The following NCAN variants were observed in gnomAD, a reference collection of about 807,000 sequenced individuals.
NCAN encodes the protein neurocan core protein.
In NCAN, 47 loss-of-function variants were observed where a neutral mutation model predicts 121.8. The observed-to-expected ratio is 0.39, with a 90% CI of 0.31 to 0.49. The LOEUF (loss-of-function observed/expected upper bound fraction) is 0.49, where lower values mean the gene tolerates loss of function less well. Among genes scored for constraint, NCAN ranks in the 20% least tolerant of loss-of-function variants. The pLI, the probability that NCAN is intolerant of heterozygous loss-of-function variation, is 0.92. For missense variants in NCAN, 1,517 were observed against 1,773.4 expected (o/e 0.86, Z 2.60); for synonymous variants, 633 against 702.0 (o/e 0.90, Z 1.55).
chr19:19,213,137 G>A (rs984505963), intron 1 of NCAN, among the ~76,000 whole-genome samples: 1 of 152,176 alleles, frequency 6.6e-6, no homozygotes, highest in Non-Finnish European at 1.5e-5. Flanking sequence ...GGACGTGGGG[G>A]CAGGGCAGGC....
At position 19,230,730 on chromosome 19, in the gene NCAN, C is replaced by T. The variant is rs117174350; in HGVS notation, c.3019+2091C>T. 3.0e-3 allele frequency among the ~76,000 whole-genome samples: 296 copies of T among 99,922 alleles called. 2 individuals are homozygous for T. Among genetic ancestry groups the T allele is most frequent in the African/African-American group, 6.3e-3 (176 of 27,776 alleles). 65.6% of individuals were successfully genotyped at this position (99,922 alleles called of 152,430 possible). On this transcript the variant is annotated intron_variant, in intron 8 of 14. Coordinates refer to ENST00000252575, the MANE Select transcript of NCAN (RefSeq NM_004386.3). ...GGGGTGGGATCTTTTTTTTTTTTTT[C>T]CTTTTTTTTTTTTTTCCAGACAGGG...
At chr19:19,245,902 G>A (rs934107861) in intron 13 of NCAN, among the ~76,000 whole-genome samples, 1 of 152,134 alleles carries the variant, frequency 6.6e-6, no homozygotes, top group Non-Finnish European at 1.5e-5. Context: ...AATGGGTATA[G>A]AATTTTGGTG....
At chr19:19,215,521 C>G (rs368059310) in intron 1 of NCAN, among the ~76,000 whole-genome samples, 14 of 152,224 alleles carry the variant, frequency 9.2e-5, no homozygotes, top group African/African-American at 3.4e-4. Flanking sequence ...GGTCCTAGCC[C>G]CTATAGGGAA....
intron 3 of NCAN, among the ~76,000 whole-genome samples, chr19:19,223,631 C>T (rs938516297): frequency 6.6e-6 from 1 of 151,994 alleles, no homozygotes; most frequent in Non-Finnish European, 1.5e-5. Context: ...TGCCACCATG[C>T]CCAGCTATTT....
At position 19,228,456 on chromosome 19, in the gene NCAN, T is replaced by A; in HGVS notation, c.2836T>A (p.Ser946Thr). Residue 946 changes from serine to threonine, a missense_variant, in exon 8 of 15, where the codon TCA becomes ACA. Ser to Thr is a moderately conservative substitution (Grantham distance 58). Transcript: ENST00000252575. The part of the protein sequence containing the change: ...ASVGESASVS[S>T]GEPTVPWDPS... ...TGTGGGCGAGTCTGCCTCAGTTTCC[T>A]CAGGGGAGCCTACGGTACCGTGGGA... 6.2e-7 allele frequency: 1 copy of A among 1,613,608 alleles called. No homozygotes were observed. Among genetic ancestry groups the A allele is most frequent in the East Asian group, 2.2e-5 (1 of 44,886 alleles).
At chr19:19,247,789 G>A (rs2060930104) in intron 13 of NCAN, among the ~76,000 whole-genome samples, 1 of 152,152 alleles carries the variant, frequency 6.6e-6, no homozygotes, top group Non-Finnish European at 1.5e-5. Context: ...TGTCCGGGAG[G>A]TTGCTGTCCC....
intron 13 of NCAN, among the ~76,000 whole-genome samples, chr19:19,247,732 A>T (rs1808595160): frequency 6.6e-6 from 1 of 152,126 alleles, no homozygotes; most frequent in Admixed American, 6.6e-5. Flanking sequence ...TGTCTCCTTC[A>T]TTCCCATTGT....
rs755198576 is a variant in NCAN at position 19,219,014 on chromosome 19, C to G, written c.173C>G (p.Pro58Arg). Residue 58 changes from proline (P) to arginine (R), a missense_variant, in exon 3 of 15, where the codon CCC becomes CGC. By Grantham distance (103) the Pro-to-Arg change is moderately radical (BLOSUM62 -2). Transcript: ENST00000252575. ...GCGCTGGCGGAGCTGGTGGCCCTGC[C>G]CTGTCTCTTTACCCTGCAGCCACGG... ...QAALAELVAL[P>R]CLFTLQPRPS... The G allele has an allele frequency of 6.2e-7, 1 of 1,608,690 alleles. No individual in the cohort carries two copies. Among genetic ancestry groups the G allele is most frequent in the Non-Finnish European group, 8.5e-7 (1 of 1,176,728 alleles).
intron 14 of NCAN, among the ~76,000 whole-genome samples, chr19:19,249,174 G>A (rs550784376): frequency 2.6e-5 from 4 of 151,396 alleles, no homozygotes; most frequent in East Asian, 2.0e-4. Context: ...GGGTTCAAGC[G>A]ATCCTTGTGT....
In NCAN at chr19:19,228,521, G is replaced by T. The variant is rs139628713; in HGVS notation, c.2901G>T (p.Glu967Asp). The change falls in exon 8 of 15, where the codon GAG (glutamate) becomes GAT (aspartate). Residue 967 changes from glutamate (E) to aspartate (D), a missense_variant. Coordinates refer to ENST00000252575, the MANE Select transcript of NCAN (RefSeq NM_004386.3). ...STLLPVTLGI[E>D]DFELEVLAGS... ...TGCTGCCTGTCACCCTGGGCATAGA[G>T]GACTTCGAACTGGAGGTCCTGGCAG... The T allele has an allele frequency of 1.9e-6, 3 of 1,613,432 alleles. No homozygotes were observed. The Admixed American group carries it at 5.0e-5, about 27-fold the overall frequency.
intron 2 of NCAN, among the ~76,000 whole-genome samples, chr19:19,218,622 G>A (rs889755635): frequency 6.6e-6 from 1 of 152,004 alleles, no homozygotes; most frequent in Non-Finnish European, 1.5e-5. Flanking sequence ...ACAGGCATGT[G>A]CCACCACACC....
rs1358917860 is a variant in NCAN, at chr19:19,228,091, C to A, written c.2471C>A (p.Pro824His). 3 of 1,613,546 alleles carry A rather than the reference C, an allele frequency of 1.9e-6. No individual in the cohort carries two copies. Among genetic ancestry groups the A allele is most frequent in the Non-Finnish European group, 2.5e-6 (3 of 1,180,008 alleles). ...CCTTGGGTTGCTACAGATGAAGGAC[C>A]CACTGTGAATCCCATGGATTCCACA... Reference protein sequence around the residue: ...LEPWVATDEGPTVNPMDSTVT... With the variant: ...LEPWVATDEGHTVNPMDSTVT... Residue 824 changes from proline (P) to histidine (H), a missense_variant, in exon 8 of 15, where the codon CCC (proline) becomes CAC (histidine). By Grantham distance (77) the Pro-to-His change is moderately conservative. Transcript: ENST00000252575.
At chr19:19,215,715 T>C (rs1488453884) in intron 1 of NCAN, among the ~76,000 whole-genome samples, 1 of 152,116 alleles carries the variant, frequency 6.6e-6, no homozygotes, top group Non-Finnish European at 1.5e-5. Context: ...GAATTGAAGC[T>C]GCGAATCGTG....
intron 1 of NCAN, among the ~76,000 whole-genome samples, chr19:19,215,097 G>C (rs1357312590): frequency 6.6e-6 from 1 of 152,104 alleles, no homozygotes. Context: ...TGGACTAGGT[G>C]GGCTTTGCCG....
At chr19:19,243,152 G>A (rs2060909952) in intron 12 of NCAN, among the ~76,000 whole-genome samples, 2 of 151,840 alleles carry the variant, frequency 1.3e-5, no homozygotes. Flanking sequence ...GTTTGCCAGG[G>A]GCTGGGGTCG....
At position 19,233,849 on chromosome 19, in the gene NCAN, G is replaced by A. The variant is rs760561094; in HGVS notation, c.3080G>A (p.Gly1027Asp). Reference protein sequence around the residue: ...CLHGGTCNANGTMYGCSCDQG... With the variant: ...CLHGGTCNANDTMYGCSCDQG... ...CATGGAGGGACATGTAATGCCAATGGCACCATGTATGGCTGTAGCTGTGAT... is the reference window on the plus strand; with the variant it reads ...CATGGAGGGACATGTAATGCCAATGACACCATGTATGGCTGTAGCTGTGAT... The change falls in exon 9 of 15, where the codon GGC becomes GAC. Residue 1027 changes from glycine to aspartate, a missense_variant. Gly to Asp is a moderately conservative substitution (Grantham distance 94). Coordinates refer to ENST00000252575, the MANE Select transcript of NCAN (RefSeq NM_004386.3). The A allele has an allele frequency of 6.2e-7, 1 of 1,614,104 alleles. No homozygotes were observed. The highest frequency in any genetic ancestry group is 2.2e-5 in the East Asian group (1 of 44,878).
chr19:19,248,655 C>T, intron 13 of NCAN, 45 bp from the exon 14 acceptor site: 1 of 1,571,974 alleles, frequency 6.4e-7, no homozygotes, highest in Non-Finnish European at 8.7e-7. Flanking sequence ...ACTAGTTTAG[C>T]CCCAGATGTG....
At chr19:19,246,551 T>G (rs2060925148) in intron 13 of NCAN, among the ~76,000 whole-genome samples, 1 of 152,158 alleles carries the variant, frequency 6.6e-6, no homozygotes, top group African/African-American at 2.4e-5. Flanking sequence ...TTTGTTTGTT[T>G]GAGATGGAGT....
intron 1 of NCAN, among the ~76,000 whole-genome samples, chr19:19,215,063 G>T (rs2060791474): frequency 1.3e-5 from 2 of 152,216 alleles, no homozygotes; most frequent in South Asian, 4.1e-4. Context: ...CTGAGGCATC[G>T]TGTTAGCAGG....
Sources: allele counts gnomAD v4.1 joint callset (sites outside exome capture counted in the v4.1 genomes callset), GRCh38; gene constraint gnomAD v4.1.1; transcripts MANE v1.5; gene names NCBI Gene and HGNC (gene_info 2026-07-23, HGNC 2026-07-21).